PDE4B: variants seen among roughly 807,000 people sequenced by gnomAD.
PDE4B encodes the protein 3',5'-cyclic-AMP phosphodiesterase 4B.
Under a neutral mutation model 82.2 loss-of-function variants are expected in PDE4B, and 20 were observed. The observed-to-expected ratio is 0.24, with a 90% CI of 0.17 to 0.35. The LOEUF (loss-of-function observed/expected upper bound fraction) is 0.35. Ranked by LOEUF, PDE4B falls within the 10% of genes least tolerant of loss-of-function variation. The pLI is 1.00. For synonymous variants in PDE4B, 320 were observed against 318.9 expected (o/e 1.00, Z -0.04); for missense variants, 655 against 907.2 (o/e 0.72, Z 3.57).
chr1:65,799,427 A>C (rs1282332069), intron 1 of PDE4B, among the ~76,000 whole-genome samples: 1 of 151,188 alleles, frequency 6.6e-6, no homozygotes, highest in African/African-American at 2.5e-5. Flanking sequence ...AGTTGGGAGG[A>C]CATGATTTTT....
chr1:66,062,508 G>A (rs1280473182), intron 3 of PDE4B, among the ~76,000 whole-genome samples: 2 of 152,004 alleles, frequency 1.3e-5, no homozygotes, highest in East Asian at 3.8e-4. Context: ...AAATGTTGAA[G>A]GAGAAGGACA....
At chr1:65,875,202 G>T (rs1646625309) in intron 1 of PDE4B, among the ~76,000 whole-genome samples, 2 of 151,928 alleles carry the variant, frequency 1.3e-5, no homozygotes, top group Admixed American at 6.6e-5. Context: ...ATGAAAAAAT[G>T]CTCATCATCA....
chr1:65,978,219 G>A (rs1170120416), intron 3 of PDE4B, among the ~76,000 whole-genome samples: 4 of 151,324 alleles, frequency 2.6e-5, no homozygotes, highest in Admixed American at 6.6e-5. Flanking sequence ...GTAGAGATGG[G>A]GTTTCACCAT....
chr1:66,294,883 T>G (rs1657390636), intron 7 of PDE4B, among the ~76,000 whole-genome samples: 1 of 152,154 alleles, frequency 6.6e-6, no homozygotes, highest in South Asian at 2.1e-4. Context: ...TAGGATGTGT[T>G]TCATGACTCA....
chr1:66,235,295 T>C (rs1052539543), intron 3 of PDE4B, among the ~76,000 whole-genome samples: 1 of 152,198 alleles, frequency 6.6e-6, no homozygotes, highest in Admixed American at 6.5e-5. Flanking sequence ...ATTTGTTCCA[T>C]CAATTATTGA....
chr1:66,101,021 C>A (rs1217864373), intron 3 of PDE4B, among the ~76,000 whole-genome samples: 2 of 152,066 alleles, frequency 1.3e-5, no homozygotes, highest in African/African-American at 4.8e-5. Context: ...GTGATGTTCC[C>A]CTTCCAGTGT....
At chr1:65,876,279 A>G (rs1343143738) in intron 1 of PDE4B, among the ~76,000 whole-genome samples, 5 of 152,100 alleles carry the variant, frequency 3.3e-5, no homozygotes, top group African/African-American at 1.2e-4. Context: ...AATGCTTGTC[A>G]ATACTTACAG....
chr1:65,880,673 TACCAGTGCTTTGATCTTGG>T (rs1297633162), intron 1 of PDE4B, among the ~76,000 whole-genome samples: 1 of 152,200 alleles, frequency 6.6e-6, no homozygotes, highest in African/African-American at 2.4e-5. Context: ...ACACCGGATC[TACCAGTGCTTTGATCTTGG>T]ACGTGCCAGC....
intron 3 of PDE4B, among the ~76,000 whole-genome samples, chr1:66,188,937 C>T (rs904936261): frequency 6.6e-5 from 10 of 152,304 alleles, no homozygotes; most frequent in African/African-American, 2.4e-4. Context: ...CCTCGATGGA[C>T]TTTACAATTT....
intron 3 of PDE4B, among the ~76,000 whole-genome samples, chr1:66,087,865 T>C (rs1292442006): frequency 3.2e-5 from 3 of 92,636 alleles, no homozygotes; most frequent in Non-Finnish European, 6.2e-5. Context: ...CTGGGGACTG[T>C]TGTGGGGTGG....
At chr1:65,936,637 C>T (rs1177463529) in intron 3 of PDE4B, among the ~76,000 whole-genome samples, 1 of 152,158 alleles carries the variant, frequency 6.6e-6, no homozygotes, top group Non-Finnish European at 1.5e-5. Context: ...AGTTGAGTGT[C>T]TAGGGTAGGA....
chr1:65,865,465 A>G (rs1646500684), intron 1 of PDE4B, among the ~76,000 whole-genome samples: 2 of 152,020 alleles, frequency 1.3e-5, no homozygotes, highest in South Asian at 2.1e-4. Context: ...TCCTGCAGCT[A>G]GCTTAGTGTC....
chr1:66,170,534 C>T (rs1330523157), intron 3 of PDE4B, among the ~76,000 whole-genome samples: 1 of 151,878 alleles, frequency 6.6e-6, no homozygotes, highest in Non-Finnish European at 1.5e-5. Flanking sequence ...AAAGCTTTTC[C>T]CTGTTGGATT....
intron 3 of PDE4B, among the ~76,000 whole-genome samples, chr1:65,988,242 G>A (rs1478929069): frequency 6.6e-6 from 1 of 152,200 alleles, no homozygotes; most frequent in Non-Finnish European, 1.5e-5. Flanking sequence ...AATTTTCTAA[G>A]AGAGCTAGAT....
At chr1:65,849,618 C>T (rs1166275458) in intron 1 of PDE4B, among the ~76,000 whole-genome samples, 1 of 152,082 alleles carries the variant, frequency 6.6e-6, no homozygotes, top group Admixed American at 6.6e-5. Flanking sequence ...CTGCCAGTGG[C>T]ACTCCACTGC....
At chr1:66,270,662 T>C (rs1021281206) in intron 7 of PDE4B, among the ~76,000 whole-genome samples, 1 of 152,134 alleles carries the variant, frequency 6.6e-6, no homozygotes, top group Non-Finnish European at 1.5e-5. Flanking sequence ...GTTTCTACAT[T>C]AAGCAAGAAC....
intron 1 of PDE4B, among the ~76,000 whole-genome samples, chr1:65,841,267 C>T (rs1182983379): frequency 1.3e-5 from 2 of 151,744 alleles, no homozygotes; most frequent in Admixed American, 1.3e-4. Flanking sequence ...CCACTTCATT[C>T]ACTCCAGCCT....
intron 6 of PDE4B, among the ~76,000 whole-genome samples, chr1:66,263,455 T>C (rs1654825557): frequency 2.0e-5 from 3 of 152,206 alleles, no homozygotes; most frequent in South Asian, 4.1e-4. Context: ...AGATAAAATA[T>C]TCATATAGAG....
At chr1:66,216,632 C>T (rs1036399696) in intron 3 of PDE4B, among the ~76,000 whole-genome samples, 7 of 152,134 alleles carry the variant, frequency 4.6e-5, no homozygotes, top group African/African-American at 1.7e-4. Context: ...GGCCATGAGA[C>T]TGCTCTCTTA....
Sources: gnomAD v4.1 joint callset for allele counts (sites outside exome capture counted in the v4.1 genomes callset) on GRCh38, gnomAD v4.1.1 for gene constraint, MANE v1.5 for transcripts, NCBI Gene and HGNC (gene_info 2026-07-23, HGNC 2026-07-21) for gene names.